Variants in MARF1 observed in about 807,000 individuals in gnomAD.
MARF1 encodes the protein limkain-b1.
A neutral mutation model predicts 168.2 loss-of-function variants in MARF1; 24 were observed. The observed-to-expected ratio is 0.14, with a 90% CI of 0.10 to 0.20. MARF1 has a LOEUF of 0.20. Ranked by LOEUF, MARF1 falls within the 10% of genes least tolerant of loss-of-function variation. The probability of loss-of-function intolerance (pLI) is 1.00; values close to 1 mark genes in which losing one functional copy is unlikely to be tolerated. For missense variants in MARF1, 1,744 were observed against 2,143.6 expected (o/e 0.81, Z 3.68); for synonymous variants, 868 against 822.4 (o/e 1.06, Z -0.95).
intron 7 of MARF1, among the ~76,000 whole-genome samples, chr16:15,628,615 G>A (rs2151243821): frequency 6.6e-6 from 1 of 152,172 alleles, no homozygotes; most frequent in South Asian, 2.1e-4. Flanking sequence ...CGCCACATCG[G>A]CCAGGCTGGT....
chr16:15,636,698 A>G (rs925412151), intron 2 of MARF1, among the ~76,000 whole-genome samples: 4 of 152,222 alleles, frequency 2.6e-5, no homozygotes, highest in African/African-American at 4.8e-5. Flanking sequence ...AGGTGGTATG[A>G]AAACAACCCC....
Position 15,630,887 on chromosome 16 carries a change from T to C in MARF1, c.1352-383A>G, listed in dbSNP as rs554038193. Among the ~76,000 whole-genome samples the C allele has an allele frequency of 1.3e-4, 19 of 151,744 alleles. No homozygotes were observed. In the East Asian group the frequency reaches 2.9e-3, roughly 23 times the overall value. On this transcript the variant is annotated intron_variant, in intron 6 of 26. Coordinates refer to ENST00000396368, the MANE Select transcript of MARF1 (RefSeq NM_014647.4). ...GGTTCACGCCTGTAATCCCAGCACT[T>C]TGGGAGGCCGAGGAGGGTGGATCAC... is the stretch of plus-strand genomic sequence containing the variant.
Position 15,600,621 on chromosome 16 carries a change from G to A in MARF1, c.4687+20C>T, listed in dbSNP as rs751933802. On this transcript the variant is annotated intron_variant, in intron 24 of 26. Transcript: ENST00000396368. ...AGAACCGTGATTTTTTAAGGGGGGA[G>A]GGGATGGGTGCTTACTTACTTTTCA... 1.2e-6 allele frequency: 2 copies of A among 1,614,032 alleles called. No individual in the cohort carries two copies. The highest frequency in any genetic ancestry group is 2.2e-5 in the South Asian group (2 of 91,090).
At chr16:15,617,613 A>G in intron 13 of MARF1, 78 bp from the exon 14 acceptor site, 1 of 935,870 alleles carries the variant, frequency 1.1e-6, no homozygotes, top group Non-Finnish European at 1.6e-6. Context: ...TGTTTAAATA[A>G]AGAACAATAA....
At chr16:15,630,751 A>C (rs555058031) in intron 6 of MARF1, among the ~76,000 whole-genome samples, 1 of 152,266 alleles carries the variant, frequency 6.6e-6, no homozygotes, top group Admixed American at 6.5e-5. Context: ...GGGGAGACTC[A>C]AATTTGAAAA....
In MARF1 at chr16:15,625,163, C is replaced by A. The variant is rs1025707920; in HGVS notation, c.1964G>T (p.Arg655Leu). The A allele has an allele frequency of 7.4e-6, 12 of 1,613,802 alleles. No individual in the cohort carries two copies. Among genetic ancestry groups the A allele is most frequent in the South Asian group, 1.1e-5 (1 of 91,076 alleles). Residue 655 changes from arginine (R) to leucine (L), a missense_variant, in exon 9 of 27, where the codon CGC becomes CTC. Coordinates refer to ENST00000396368, the MANE Select transcript of MARF1 (RefSeq NM_014647.4). ...TCTATGACCAGTTTTTGACTCCATG[C>A]GGCACAGCTCCTTCAAAGACACAAG... ...TNVKSLQELC[R>L]MESKTGHRNS... is the part of the protein sequence containing the mutation.
At position 15,612,614 on chromosome 16, in the gene MARF1, T is replaced by C; in HGVS notation, c.3417A>G (p.Ser1139=). Residue 1139 remains serine, a synonymous_variant, in exon 17 of 27, where the codon TCA becomes TCG. Transcript: ENST00000396368. The stretch of plus-strand genomic sequence containing the variant: ...CAATCAGCTTGGAGTATCCGTAGTC[T>C]GACACTCGGCACTGCTTTGCAAAAT... The part of the protein sequence containing the change: ...HHHFAKQCRV[S]DYGYSKLIEL... The C allele has an allele frequency of 6.2e-7, 1 of 1,614,190 alleles. No homozygotes were observed. Among genetic ancestry groups the C allele is most frequent in the Non-Finnish European group, 8.5e-7 (1 of 1,180,020 alleles).
chr16:15,601,365 C>T (rs1242723365), intron 23 of MARF1: 2 of 290,648 alleles, frequency 6.9e-6, no homozygotes, highest in South Asian at 3.4e-5. Context: ...TCCATGCCTG[C>T]TTCTCTCGGC....
At chr16:15,642,799 G>A (rs1011438366) in intron 1 of MARF1, among the ~76,000 whole-genome samples, 1 of 152,148 alleles carries the variant, frequency 6.6e-6, no homozygotes, top group Non-Finnish European at 1.5e-5. Flanking sequence ...GGGGAACAGC[G>A]GCGCCAACAG....
chr16:15,641,735 T>C (rs918705307), intron 1 of MARF1, among the ~76,000 whole-genome samples: 2 of 152,210 alleles, frequency 1.3e-5, no homozygotes, highest in Non-Finnish European at 1.5e-5. Flanking sequence ...TGAAGTTTTG[T>C]AGCGAGCCTG....
intron 16 of MARF1, among the ~76,000 whole-genome samples, chr16:15,615,550 G>A (rs942788086): frequency 2.6e-5 from 4 of 152,052 alleles, no homozygotes; most frequent in African/African-American, 7.2e-5. Context: ...ACTTGAACCC[G>A]GGAGGCAGAG....
intron 21 of MARF1, among the ~76,000 whole-genome samples, chr16:15,607,979 T>C (rs2033160546): frequency 6.6e-6 from 1 of 152,170 alleles, no homozygotes; most frequent in Non-Finnish European, 1.5e-5. Flanking sequence ...AGGCCAGCAG[T>C]GCTGAGGCAG....
chr16:15,629,712 A>AATT (rs2035121994), intron 7 of MARF1, among the ~76,000 whole-genome samples: 1 of 152,216 alleles, frequency 6.6e-6, no homozygotes, highest in South Asian at 2.1e-4. Context: ...CACTGCAATA[A>AATT]ACATTCTTAT....
At chr16:15,613,684 TAAATAAAATA>T (rs760527520) in intron 16 of MARF1, among the ~76,000 whole-genome samples, 2 of 146,222 alleles carry the variant, frequency 1.4e-5, no homozygotes, top group Admixed American at 6.9e-5. Context: ...AATAAATAAA[TAAATAAAATA>T]AAATAAAATA....
At chr16:15,621,350 A>G (rs2034446882) in intron 12 of MARF1, 1 of 200,242 alleles carries the variant, frequency 5.0e-6, no homozygotes, top group Non-Finnish European at 1.0e-5. Context: ...ATATATCTGC[A>G]AATGGAGAGC....
chr16:15,629,730 C>G (rs2035122811), intron 7 of MARF1, among the ~76,000 whole-genome samples: 1 of 152,210 alleles, frequency 6.6e-6, no homozygotes, highest in Admixed American at 6.5e-5. Context: ...TATCCCAAGT[C>G]AAGTCTATCA....
intron 19 of MARF1, chr16:15,610,565 GAAAA>G (rs11358117): frequency 7.7e-5 from 12 of 154,872 alleles, no homozygotes; most frequent in Non-Finnish European, 1.6e-4. Context: ...AAAGGCAAAA[GAAAA>G]AAAAACATTC....
rs2031700062 is a variant in MARF1, at chr16:15,596,511, G to C, written c.*182C>G. 2 of 472,150 alleles carry C rather than the reference G, an allele frequency of 4.2e-6. No individual in the cohort carries two copies. The highest frequency in any genetic ancestry group is 7.2e-6 in the Non-Finnish European group (2 of 277,050). The allele number at this position is 472,150 out of a possible 1,614,324, so 29.2% of individuals were successfully genotyped here. On this transcript the variant is annotated 3_prime_UTR_variant, in exon 27 of 27. Transcript: ENST00000396368. ...AAAGAAAGAAAAAGGAAGAAGAAAA[G>C]AAAGACTTCAGCTCAAAGCTGTGTT...
At chr16:15,629,387 C>T (rs1287117415) in intron 7 of MARF1, among the ~76,000 whole-genome samples, 1 of 152,122 alleles carries the variant, frequency 6.6e-6, no homozygotes, top group Non-Finnish European at 1.5e-5. Context: ...TGTTGGGTAT[C>T]GGGGACACAG....
Sources: allele counts gnomAD v4.1 joint callset (sites outside exome capture counted in the v4.1 genomes callset), GRCh38; gene constraint gnomAD v4.1.1; transcripts MANE v1.5; gene names NCBI Gene and HGNC (gene_info 2026-07-23, HGNC 2026-07-21).